Variants in WSB1 observed in about 807,000 individuals in gnomAD.
The protein encoded by WSB1 is WD repeat and SOCS box containing 1, also known as WD repeat and SOCS box-containing protein 1.
Under a neutral mutation model 50.2 loss-of-function variants are expected in WSB1, and 23 were observed. The observed-to-expected ratio is 0.46, with a 90% confidence interval of 0.33 to 0.65. The LOEUF is 0.65. WSB1 is among the 30% of genes least tolerant of loss of function. WSB1 has a pLI of 0.02. For synonymous variants in WSB1, 179 were observed against 172.0 expected, an observed-to-expected ratio of 1.04 and a Z score of -0.32; for missense variants, 492 against 522.3, an observed-to-expected ratio of 0.94 and a Z score of 0.56.
At chr17:27,307,462 A>G in intron 5 of WSB1, 2 of 479,782 alleles carry the variant, frequency 4.2e-6, no homozygotes, top group Non-Finnish European at 7.4e-6. Flanking sequence ...CTGTTAGTAT[A>G]GTTAAATTGA....
intron 4 of WSB1, among the ~76,000 whole-genome samples, chr17:27,305,820 ATT>A (rs1383104552): frequency 6.6e-6 from 1 of 152,160 alleles, no homozygotes; most frequent in Non-Finnish European, 1.5e-5. Context: ...TATTTTAATA[ATT>A]TTTTTATTTT....
At chr17:27,298,167 T>G (rs892985565) in intron 1 of WSB1, among the ~76,000 whole-genome samples, 5 of 150,450 alleles carry the variant, frequency 3.3e-5, no homozygotes, top group Admixed American at 6.6e-5. Flanking sequence ...ATGAAAAATT[T>G]AAGTCTTGCT....
intron 2 of WSB1, among the ~76,000 whole-genome samples, chr17:27,302,222 C>G (rs1597756846): frequency 6.6e-6 from 1 of 151,960 alleles, no homozygotes; most frequent in South Asian, 2.1e-4. Flanking sequence ...ACCCGCCTGG[C>G]CAACATGGTG....
In WSB1 at chr17:27,314,372, C is replaced by G. The variant is rs1403000352; in HGVS notation, c.*2003C>G. On this transcript the variant is annotated 3_prime_UTR_variant, in exon 9 of 9. Coordinates refer to ENST00000262394, the MANE Select transcript of WSB1 (RefSeq NM_015626.10). ...GGTGGGTCACTTAAGGCCGGGAGTTCATGACAAGCCTGACCAACATAGTGA... is the reference window on the plus strand; with the variant it reads ...GGTGGGTCACTTAAGGCCGGGAGTTGATGACAAGCCTGACCAACATAGTGA... The G allele has an allele frequency of 1.3e-5, 2 of 152,138 alleles. No individual in the cohort carries two copies. Among genetic ancestry groups the G allele is most frequent in the African/African-American group, 2.4e-5 (1 of 41,426 alleles). The allele number at this position is 152,138 out of a possible 1,614,324, so 9.4% of individuals were successfully genotyped here. A position where few individuals can be genotyped will look rare whatever the true frequency, so the allele number is the denominator to read the frequency against.
In WSB1 at chr17:27,304,808, T is replaced by C. The variant is rs749155895; in HGVS notation, c.507T>C (p.His169=). The change falls in exon 4 of 9, where the codon CAT becomes CAC. Residue 169 remains histidine (H), a synonymous_variant. Transcript: ENST00000262394. ...TGKLLLNLVD[H]TEVVRDLTFA... Reference sequence around the variant, plus strand: ...AACTCCTCCTTAACTTGGTAGATCATACTGAAGTGGTCAGAGATTTAACTT... The same window carrying C: ...AACTCCTCCTTAACTTGGTAGATCACACTGAAGTGGTCAGAGATTTAACTT... 7 of 1,614,050 alleles carry C rather than the reference T, an allele frequency of 4.3e-6. No individual in the cohort carries two copies. The highest frequency in any genetic ancestry group is 1.7e-4 in the Middle Eastern group (1 of 6,060).
At chr17:27,306,358 A>T (rs2017457147) in intron 4 of WSB1, among the ~76,000 whole-genome samples, 1 of 151,998 alleles carries the variant, frequency 6.6e-6, no homozygotes, top group African/African-American at 2.4e-5. Context: ...GATTACCGGC[A>T]TGCGCCACCA....
At chr17:27,303,114 G>T in intron 2 of WSB1, 1 of 329,720 alleles carries the variant, frequency 3.0e-6, no homozygotes, top group African/African-American at 2.1e-5. Flanking sequence ...AGGAAAATTT[G>T]GGAGGCAAAT....
intron 1 of WSB1, among the ~76,000 whole-genome samples, chr17:27,300,286 A>G (rs1392109650): frequency 1.3e-5 from 2 of 152,194 alleles, no homozygotes; most frequent in Admixed American, 1.3e-4. Flanking sequence ...CCAGAAATAC[A>G]TAAAAATATA....
intron 1 of WSB1, among the ~76,000 whole-genome samples, chr17:27,299,566 A>G (rs1597753481): frequency 6.6e-6 from 1 of 152,338 alleles, no homozygotes; most frequent in Middle Eastern, 3.4e-3. Flanking sequence ...ATGCTGTGCT[A>G]ATATGGGGTG....
intron 5 of WSB1, chr17:27,308,534 T>C: frequency 1.0e-6 from 1 of 985,848 alleles, no homozygotes; most frequent in Non-Finnish European, 1.2e-6. Context: ...AACATCCTTG[T>C]TGTTTGCCAA....
At position 27,313,154 on chromosome 17, in the gene WSB1, A is replaced by G. The variant is rs966002696; in HGVS notation, c.*785A>G. The G allele has an allele frequency of 1.3e-5, 2 of 152,494 alleles. No individual in the cohort carries two copies. Among genetic ancestry groups the G allele is most frequent in the Non-Finnish European group, 2.9e-5 (2 of 68,014 alleles). The allele number at this position is 152,494 out of a possible 1,614,324, so 9.4% of individuals were successfully genotyped here. A position where few individuals can be genotyped will look rare whatever the true frequency, so the allele number is the denominator to read the frequency against. ...TATGTACAGGGAAAAGGATTTTATT[A>G]TCCTTAGGAATGTCATCCAAGACGT... On this transcript the variant is annotated 3_prime_UTR_variant, in exon 9 of 9. Coordinates refer to ENST00000262394, the MANE Select transcript of WSB1 (RefSeq NM_015626.10).
chr17:27,298,050 G>C (rs186627091), intron 1 of WSB1, among the ~76,000 whole-genome samples: 3 of 150,596 alleles, frequency 2.0e-5, no homozygotes, highest in African/African-American at 7.3e-5. Context: ...GCTTGAACCC[G>C]GGAGGCAGAG....
intron 1 of WSB1, among the ~76,000 whole-genome samples, chr17:27,299,808 T>C (rs2017150042): frequency 1.3e-5 from 2 of 152,150 alleles, no homozygotes; most frequent in Admixed American, 6.5e-5. Flanking sequence ...ATAAATGCCA[T>C]ATGAGGATAG....
chr17:27,306,417 G>A (rs1441709822), intron 4 of WSB1, among the ~76,000 whole-genome samples: 2 of 152,004 alleles, frequency 1.3e-5, no homozygotes, highest in African/African-American at 4.8e-5. Flanking sequence ...GTTTCACCCT[G>A]TTGGCCAGGA....
At chr17:27,308,692 TTC>T (rs1345280165) in intron 5 of WSB1, 2 of 986,996 alleles carry the variant, frequency 2.0e-6, no homozygotes, top group African/African-American at 3.5e-5. Context: ...ACCTTACGTT[TTC>T]TGTCTGTATA....
In WSB1 at chr17:27,300,890, A is replaced by ATT. The variant is rs34849775; in HGVS notation, c.41-889_41-888dup. 1.5e-4 allele frequency among the ~76,000 whole-genome samples: 22 copies of ATT among 148,118 alleles called. 1 individual carries two copies. The highest frequency in any genetic ancestry group is 4.0e-4 in the East Asian group (2 of 5,032). On this transcript the variant is annotated intron_variant, in intron 1 of 8. Transcript: ENST00000262394. ...AATGCATTTTCTTTTATTTTAGCTT[A>ATT]TTTTTTTTTTGAGATGGAGTCTCAC...
At chr17:27,300,221 A>ATG (rs974840594) in intron 1 of WSB1, among the ~76,000 whole-genome samples, 89 of 149,812 alleles carry the variant, frequency 5.9e-4, no homozygotes, top group African/African-American at 2.1e-3. Flanking sequence ...AGGGGTTCTT[A>ATG]TGTGAACAGC....
chr17:27,294,938 A>C (rs1483747906), intron 1 of WSB1, among the ~76,000 whole-genome samples: 1 of 152,236 alleles, frequency 6.6e-6, no homozygotes, highest in East Asian at 1.9e-4. Flanking sequence ...TGTGGCCTTA[A>C]GAAACGCAGC....
chr17:27,297,796 A>G (rs1188175162), intron 1 of WSB1, among the ~76,000 whole-genome samples: 1 of 152,078 alleles, frequency 6.6e-6, no homozygotes, highest in Non-Finnish European at 1.5e-5. Context: ...GGTAGAAGAA[A>G]AATATAGAGT....
Sources: allele counts gnomAD v4.1 joint callset (sites outside exome capture counted in the v4.1 genomes callset), GRCh38; gene constraint gnomAD v4.1.1; transcripts MANE v1.5; gene names NCBI Gene and HGNC (gene_info 2026-07-23, HGNC 2026-07-21).